GNB5: variants seen among roughly 807,000 people sequenced by gnomAD.
GNB5 encodes G protein subunit beta 5, also known as guanine nucleotide-binding protein subunit beta-5.
In GNB5, 37 loss-of-function variants were observed where a neutral mutation model predicts 55.3. The observed-to-expected ratio is 0.67, with a 90% confidence interval of 0.51 to 0.88. The LOEUF (loss-of-function observed/expected upper bound fraction) is 0.88. Among genes scored for constraint, GNB5 ranks in the 40% least tolerant of loss-of-function variants. The pLI is 0.00. For missense variants in GNB5, 476 were observed against 515.3 expected (o/e 0.92, Z 0.74); for synonymous variants, 219 against 198.5 (o/e 1.10, Z -0.87).
chr15:52,183,426 CTG>C (rs2034802720), intron 2 of GNB5, among the ~76,000 whole-genome samples: 1 of 152,036 alleles, frequency 6.6e-6, no homozygotes, highest in Non-Finnish European at 1.5e-5. Context: ...AGAACGTAGA[CTG>C]TAGAAATATA....
At chr15:52,157,273 G>A (rs995631939) in intron 3 of GNB5, among the ~76,000 whole-genome samples, 5 of 142,296 alleles carry the variant, frequency 3.5e-5, no homozygotes, top group African/African-American at 1.3e-4. Flanking sequence ...TTGAGTCGGA[G>A]TCTCACTCTG....
chr15:52,174,148 G>A (rs1235102620), intron 3 of GNB5, among the ~76,000 whole-genome samples: 1 of 152,190 alleles, frequency 6.6e-6, no homozygotes, highest in Non-Finnish European at 1.5e-5. Flanking sequence ...CTTGGGCCAA[G>A]AACATGGGCA....
rs754245775 is a variant in GNB5, at chr15:52,184,595, T to C, written c.82A>G (p.Lys28Glu). The part of the protein sequence containing the change: ...FKQRALRPVF[K>E]KSQQLSYCST... Reference sequence around the variant, plus strand: ...CAGTAGCTGAGTTGTTGAGACTTCTTGAAAACTGGTCTCAGAGCTCGTTGT... The same window carrying C: ...CAGTAGCTGAGTTGTTGAGACTTCTCGAAAACTGGTCTCAGAGCTCGTTGT... The change falls in exon 2 of 13, where the codon AAG (lysine) becomes GAG (glutamate). Residue 28 changes from lysine to glutamate, a missense_variant. Lys to Glu is a moderately conservative substitution (Grantham distance 56). Coordinates refer to ENST00000261837, the MANE Select transcript of GNB5 (RefSeq NM_016194.4). 1.1e-5 allele frequency: 18 copies of C among 1,613,382 alleles called. No homozygotes were observed. In the African/African-American group the frequency reaches 2.4e-4, roughly 22 times the overall value.
At chr15:52,180,702 C>G (rs1489741978) in intron 2 of GNB5, 1 of 152,196 alleles carries the variant, frequency 6.6e-6, no homozygotes, top group Non-Finnish European at 1.5e-5. Flanking sequence ...GAAGGGCTGG[C>G]ACAGTTCTGC....
intron 8 of GNB5, among the ~76,000 whole-genome samples, chr15:52,133,885 TAATA>T (rs942133352): frequency 2.0e-5 from 3 of 152,184 alleles, no homozygotes; most frequent in Admixed American, 1.3e-4. Context: ...GTTGTGACAT[TAATA>T]AATGGGTTGG....
At position 52,117,102 on chromosome 15, in the gene GNB5, A is replaced by ATATATATATATATATATATATATATATT; in HGVS notation, c.*5654_*5655insAATATATATATATATATATATATATATA. On this transcript the variant is annotated 3_prime_UTR_variant, in exon 13 of 13. Coordinates refer to ENST00000261837, the MANE Select transcript of GNB5 (RefSeq NM_016194.4). ...CCACGCCCAGCTAATATATATATAT[A>ATATATATATATATATATATATATATATT]TTTTTTTTTAGTACAGACAGGGTTT... 1.1e-4 allele frequency: 10 copies of ATATATATATATATATATATATATATATT among 87,088 alleles called. 2 individuals are homozygous for ATATATATATATATATATATATATATATT. Among genetic ancestry groups the ATATATATATATATATATATATATATATT allele is most frequent in the South Asian group, 3.8e-4 (1 of 2,628 alleles). 5.4% of individuals were successfully genotyped at this position (87,088 alleles called of 1,614,324 possible). A position where few individuals can be genotyped will look rare whatever the true frequency, so the allele number is the denominator to read the frequency against.
At chr15:52,190,886 G>C (rs1354516836) in intron 1 of GNB5, among the ~76,000 whole-genome samples, 1 of 148,728 alleles carries the variant, frequency 6.7e-6, no homozygotes, top group Non-Finnish European at 1.5e-5. Context: ...ACCAGTCACA[G>C]ACGAAACTGT....
intron 1 of GNB5, among the ~76,000 whole-genome samples, chr15:52,187,280 C>A (rs982362148): frequency 3.3e-5 from 5 of 152,080 alleles, no homozygotes; most frequent in African/African-American, 1.2e-4. Context: ...AGCATTAGGA[C>A]GGTGAGCCAC....
intron 3 of GNB5, among the ~76,000 whole-genome samples, chr15:52,178,538 G>A (rs1361253834): frequency 1.3e-5 from 2 of 152,166 alleles, no homozygotes; most frequent in South Asian, 2.1e-4. Context: ...CCCTTGGTGG[G>A]GGGTGCATGG....
chr15:52,167,652 C>T (rs1476430189), intron 3 of GNB5, among the ~76,000 whole-genome samples: 3 of 150,448 alleles, frequency 2.0e-5, no homozygotes, highest in African/African-American at 7.4e-5. Flanking sequence ...GACTGGGCAA[C>T]AGGAGCAAGA....
chr15:52,133,314 G>A (rs1192839363), intron 9 of GNB5, 64 bp downstream of exon 9: 11 of 1,159,234 alleles, frequency 9.5e-6, no homozygotes, highest in Non-Finnish European at 1.4e-5. Flanking sequence ...CCTGGGCTAA[G>A]GATTACCCAA....
intron 3 of GNB5, among the ~76,000 whole-genome samples, chr15:52,178,286 G>C (rs991492641): frequency 2.0e-5 from 3 of 152,156 alleles, no homozygotes; most frequent in African/African-American, 7.2e-5. Context: ...GGAGAAATTA[G>C]ATGACCTATG....
At chr15:52,136,113 AACACACACACACACACAC>A (rs751263225) in intron 7 of GNB5, among the ~76,000 whole-genome samples, 9,037 of 50,690 alleles carry the variant, frequency 0.18, 588 homozygotes, top group South Asian at 0.21. Flanking sequence ...AAAAGCAGAA[AACACACACACACACACAC>A]ACACACACAC....
intron 9 of GNB5, among the ~76,000 whole-genome samples, chr15:52,131,386 T>C (rs1041256198): frequency 6.6e-6 from 1 of 152,204 alleles, no homozygotes; most frequent in East Asian, 1.9e-4. Context: ...TATATGCAAA[T>C]ACTATACCAC....
chr15:52,179,822 C>T lies in GNB5; in HGVS notation c.184G>A (p.Glu62Lys). 2 of 1,553,636 alleles carry T rather than the reference C, an allele frequency of 1.3e-6. No individual in the cohort carries two copies. Among genetic ancestry groups the T allele is most frequent in the Non-Finnish European group, 1.7e-6 (2 of 1,151,260 alleles). Reference sequence around the variant, plus strand: ...TCCTCCAGCTTGCCCTTGAGGCTCTCGGCCTCGCTCTTCAGCGACGCCAGC... The same window carrying T: ...TCCTCCAGCTTGCCCTTGAGGCTCTTGGCCTCGCTCTTCAGCGACGCCAGC... ...ETLASLKSEAESLKGKLEEER... is the reference protein window; with the variant it reads ...ETLASLKSEAKSLKGKLEEER... Residue 62 changes from glutamate to lysine, a missense_variant, in exon 3 of 13, where the codon GAG (glutamate) becomes AAG (lysine). Glu to Lys is a moderately conservative substitution (Grantham distance 56). Transcript: ENST00000261837.
chr15:52,128,927 T>A, intron 9 of GNB5: 1 of 336,958 alleles, frequency 3.0e-6, no homozygotes, highest in Non-Finnish European at 5.9e-6. Context: ...CACCCAGCTG[T>A]GTTCCCCACA....
At chr15:52,172,975 T>C (rs1733692922) in intron 3 of GNB5, among the ~76,000 whole-genome samples, 1 of 152,218 alleles carries the variant, frequency 6.6e-6, no homozygotes, top group African/African-American at 2.4e-5. Flanking sequence ...CACCTTTTCA[T>C]ACGTGGATTT....
Position 52,147,483 on chromosome 15 carries a change from G to T in GNB5, c.470C>A (p.Pro157Gln). The T allele has an allele frequency of 6.2e-7, 1 of 1,604,874 alleles. No individual in the cohort carries two copies. The highest frequency in any genetic ancestry group is 8.5e-7 in the Non-Finnish European group (1 of 1,171,618). Residue 157 changes from proline (P) to glutamine (Q), a missense_variant, in exon 6 of 13, where the codon CCA (proline) becomes CAA (glutamine). Pro to Gln is a moderately conservative substitution (Grantham distance 76, BLOSUM62 -1). Coordinates refer to ENST00000261837, the MANE Select transcript of GNB5 (RefSeq NM_016194.4). The part of the protein sequence containing the change: ...CTWVMACAYA[P>Q]SGCAIACGGL... ...CCCACAAGCAATGGCACATCCCGAT[G>T]GGGCATAAGCACATGCCATCACCCA...
intron 5 of GNB5, among the ~76,000 whole-genome samples, chr15:52,149,078 G>A (rs961785321): frequency 6.6e-6 from 1 of 152,172 alleles, no homozygotes; most frequent in Non-Finnish European, 1.5e-5. Context: ...TTCCTCAGGG[G>A]ACTGACCATT....
Sources: gnomAD v4.1 joint callset for allele counts (sites outside exome capture counted in the v4.1 genomes callset) on GRCh38, gnomAD v4.1.1 for gene constraint, MANE v1.5 for transcripts, NCBI Gene and HGNC (gene_info 2026-07-23, HGNC 2026-07-21) for gene names.